STS: variants seen among roughly 807,000 people sequenced by gnomAD.
The protein encoded by STS is steryl-sulfatase.
In STS, 7 loss-of-function variants were observed where a neutral mutation model predicts 26.8. The observed-to-expected ratio is 0.26, with a 90% CI of 0.15 to 0.49. The LOEUF (loss-of-function observed/expected upper bound fraction) is 0.49, where lower values mean the gene tolerates loss of function less well. Ranked by LOEUF, STS falls within the 20% of genes least tolerant of loss-of-function variation. The pLI is 0.98. For synonymous variants in STS, 199 were observed against 189.4 expected, an observed-to-expected ratio of 1.05 and a Z score of -0.42; for missense variants, 434 against 465.6, an observed-to-expected ratio of 0.93 and a Z score of 0.63.
chrX:7,205,644 T>TC (rs1934205617), intron 2 of STS, among the ~76,000 whole-genome samples: 2 of 68,661 alleles, frequency 2.9e-5, no homozygotes, highest in African/African-American at 8.3e-5. Flanking sequence ...CTTTTTTCTT[T>TC]TTTTTTTTTT....
chrX:7,244,575 G>C (rs983068890), intron 2 of STS, among the ~76,000 whole-genome samples: 1 of 111,693 alleles, frequency 9.0e-6, no homozygotes, highest in Non-Finnish European at 1.9e-5. Flanking sequence ...GCACTAAGTT[G>C]GTGGTTTCAG....
intron 1 of STS, among the ~76,000 whole-genome samples, chrX:7,169,055 A>T (rs1311840896): frequency 2.7e-5 from 3 of 111,481 alleles, no homozygotes; most frequent in Non-Finnish European, 5.7e-5. Flanking sequence ...CATTGACCAC[A>T]TTAAACCACC....
intron 6 of STS, among the ~76,000 whole-genome samples, chrX:7,273,092 G>A (rs894796732): frequency 3.6e-5 from 4 of 111,730 alleles, no homozygotes; most frequent in Non-Finnish European, 5.6e-5. Context: ...AGAGGTTGCA[G>A]TGAGCTGAGA....
intron 7 of STS, among the ~76,000 whole-genome samples, chrX:7,286,044 A>T (rs934918559): frequency 1.8e-5 from 2 of 112,324 alleles, no homozygotes; most frequent in Non-Finnish European, 3.8e-5. Flanking sequence ...GTGAAGCAAC[A>T]AATTGGGCTT....
intron 7 of STS, among the ~76,000 whole-genome samples, chrX:7,279,298 T>A (rs1486474125): frequency 1.4e-5 from 1 of 72,779 alleles, no homozygotes; most frequent in African/African-American, 5.2e-5. Context: ...AAAAAATATA[T>A]ATATATATAT....
In STS at chrX:7,259,465, C is replaced by T; in HGVS notation, c.499C>T (p.Pro167Ser). The change falls in exon 6 of 11, where the codon CCC (proline) becomes TCC (serine). Residue 167 changes from proline (P) to serine (S), a missense_variant. This residue lies in a region of STS where 229 missense variants were observed against 288.3 expected (regional missense o/e 0.79). Coordinates refer to ENST00000674429, the MANE Select transcript of STS (RefSeq NM_001320752.2). Reference sequence around the variant, plus strand: ...TTTGACCAATCTGAGAGACTGCAAGCCCGGAGAGGGCAGTGTCTTCACCAC... The same window carrying T: ...TTTGACCAATCTGAGAGACTGCAAGTCCGGAGAGGGCAGTGTCTTCACCAC... ...ISLTNLRDCK[P>S]GEGSVFTTGF... 8.3e-7 allele frequency: 1 copy of T among 1,211,567 alleles called. No individual in the cohort carries two copies. The highest frequency in any genetic ancestry group is 1.8e-5 in the South Asian group (1 of 56,963).
chrX:7,336,193 C>T (rs1264652295), intron 10 of STS, among the ~76,000 whole-genome samples: 1 of 110,135 alleles, frequency 9.1e-6, no homozygotes, highest in African/African-American at 3.3e-5. Context: ...TGAAATTCCC[C>T]TTTTCTCTAA....
chrX:7,217,251 G>A (rs950769397), intron 2 of STS, among the ~76,000 whole-genome samples: 1 of 111,466 alleles, frequency 9.0e-6, no homozygotes, highest in Non-Finnish European at 1.9e-5. Context: ...GGGGGGTCCA[G>A]TAGGGTGTTC....
chrX:7,212,330 G>A (rs1195951924), intron 2 of STS, among the ~76,000 whole-genome samples: 2 of 110,615 alleles, frequency 1.8e-5, no homozygotes, highest in Non-Finnish European at 3.8e-5. Context: ...AATTAGCCGG[G>A]CATCGTGGCA....
At chrX:7,159,867 T>C (rs1376179299) in intron 1 of STS, among the ~76,000 whole-genome samples, 5 of 112,103 alleles carry the variant, frequency 4.5e-5, no homozygotes, top group South Asian at 3.7e-4. Context: ...GTGATGACTT[T>C]ATTGCCAATG....
intron 2 of STS, among the ~76,000 whole-genome samples, chrX:7,211,154 C>CA (rs1555950249): frequency 8.9e-6 from 1 of 111,871 alleles, no homozygotes; most frequent in Non-Finnish European, 1.9e-5. Flanking sequence ...CAATGAAAAA[C>CA]ACTTACTTTA....
chrX:7,148,261 C>G (rs1333022530), intron 1 of STS, 178 bp downstream of exon 1: 1 of 314,511 alleles, frequency 3.2e-6, no homozygotes, highest in Non-Finnish European at 5.5e-6. Flanking sequence ...TCCGAGCCCG[C>G]GCGTCCTGGG....
Position 7,284,016 on chromosome X carries a change from C to T in STS, c.943+7929C>T, listed in dbSNP as rs186396531. Among the ~76,000 whole-genome samples, 585 of 111,176 alleles carry T rather than the reference C, an allele frequency of 5.3e-3. 3 individuals carry two copies. Among genetic ancestry groups the T allele is most frequent in the Middle Eastern group, 9.3e-3 (2 of 216 alleles). On this transcript the variant is annotated intron_variant, in intron 7 of 10. Transcript: ENST00000674429. ...CAGCTGGTGCCTTCATATGACTGTG[C>T]ACCAGCAAAGATGCCATGCACGGCT...
Position 7,344,057 on chromosome X carries a change from T to C in STS, c.1364-5831T>C, listed in dbSNP as rs72609597. ...GACTTGTGAGGATTGTCTGTCTCAG[T>C]CCAGCTTCTGGCTCATTTTATCAAA... On this transcript the variant is annotated intron_variant, in intron 10 of 10. Coordinates refer to ENST00000674429, the MANE Select transcript of STS (RefSeq NM_001320752.2). 2.8e-4 allele frequency among the ~76,000 whole-genome samples: 31 copies of C among 112,338 alleles called. 1 individual carries two copies. The East Asian group carries it at 7.8e-3, about 28-fold the overall frequency.
chrX:7,154,681 A>G (rs1363063216), intron 1 of STS, among the ~76,000 whole-genome samples: 1 of 111,992 alleles, frequency 8.9e-6, no homozygotes, highest in African/African-American at 3.2e-5. Context: ...GGCAAAAACT[A>G]TCTATTAATA....
At chrX:7,203,804 A>G (rs922547291) in intron 2 of STS, among the ~76,000 whole-genome samples, 8 of 110,820 alleles carry the variant, frequency 7.2e-5, no homozygotes, top group Non-Finnish European at 1.5e-4. Flanking sequence ...AGAGAGAGAG[A>G]GACAGGGTCC....
rs769680507 is a variant in STS, at chrX:7,323,561, T to C, written c.1082-1778T>C. ...GCTACAAAGGACAATATTTTGTTCT[T>C]TTTTATGGCTGTGTAGTATTCCATG... On this transcript the variant is annotated intron_variant, in intron 8 of 10. Coordinates refer to ENST00000674429, the MANE Select transcript of STS (RefSeq NM_001320752.2). Among the ~76,000 whole-genome samples, 6 of 112,152 alleles carry C rather than the reference T, an allele frequency of 5.3e-5. No homozygotes were observed. In the South Asian group the frequency reaches 2.2e-3, roughly 42 times the overall value.
intron 2 of STS, among the ~76,000 whole-genome samples, chrX:7,252,499 G>A (rs1255689307): frequency 9.0e-6 from 1 of 111,476 alleles, no homozygotes; most frequent in African/African-American, 3.3e-5. Context: ...TTGCAGGGTG[G>A]GGCAGCAAAA....
chrX:7,223,197 C>G (rs1921651565), intron 2 of STS, among the ~76,000 whole-genome samples: 1 of 111,784 alleles, frequency 8.9e-6, no homozygotes. Context: ...GTGACTAGTG[C>G]TGAGATTAAT....
Sources: allele counts gnomAD v4.1 joint callset (sites outside exome capture counted in the v4.1 genomes callset), GRCh38; gene constraint gnomAD v4.1.1; regional missense constraint gnomAD v4.1.1; transcripts MANE v1.5; gene names NCBI Gene and HGNC (gene_info 2026-07-23, HGNC 2026-07-21).